Variants in N4BP2 observed in about 807,000 individuals in gnomAD.
N4BP2 encodes NEDD4-binding protein 2.
N4BP2 carries 91 observed loss-of-function variants against 152.8 expected under a neutral mutation model. That is an observed-to-expected ratio of 0.60 (90% CI 0.50 to 0.71). The LOEUF (loss-of-function observed/expected upper bound fraction) is 0.71, where lower values mean the gene tolerates loss of function less well. N4BP2 is among the 30% of genes least tolerant of loss of function. N4BP2 has a pLI of 0.00. For missense variants in N4BP2, 1,923 were observed against 2,059.1 expected (o/e 0.93, Z 1.28); for synonymous variants, 646 against 705.3 (o/e 0.92, Z 1.33).
At chr4:40,172,442 A>AG in the N4BP2 span, among the ~76,000 whole-genome samples, 1 of 152,136 alleles carries the variant, frequency 6.6e-6, no homozygotes, top group Non-Finnish European at 1.5e-5. Context: ...CCACCACACA[A>AG]GTTAAAATGG....
chr4:40,150,139 G>A (rs1279182393), intron 16 of N4BP2, among the ~76,000 whole-genome samples: 1 of 152,160 alleles, frequency 6.6e-6, no homozygotes. Context: ...TTTGACATAA[G>A]ATTAAGGAGT....
At chr4:40,145,989 C>A (rs1720478151) in intron 16 of N4BP2, among the ~76,000 whole-genome samples, 1 of 151,912 alleles carries the variant, frequency 6.6e-6, no homozygotes. Flanking sequence ...TGGTGAAACC[C>A]CGTCTCTACT....
intron 5 of N4BP2, among the ~76,000 whole-genome samples, chr4:40,111,443 C>T (rs1716874680): frequency 6.6e-6 from 1 of 152,110 alleles, no homozygotes; most frequent in South Asian, 2.1e-4. Context: ...GTCTCAGCCT[C>T]CCAAGTAGTT....
chr4:40,188,997 T>G, the N4BP2 span, among the ~76,000 whole-genome samples: 6 of 151,724 alleles, frequency 4.0e-5, no homozygotes, highest in Non-Finnish European at 8.8e-5. Context: ...ATACAAAAAA[T>G]TAGCCGGGCA....
Position 40,144,686 on chromosome 4 carries a change from A to T in N4BP2, c.5029A>T (p.Ile1677Phe). 1 of 1,614,004 alleles carries T rather than the reference A, an allele frequency of 6.2e-7. No individual in the cohort carries two copies. The highest frequency in any genetic ancestry group is 8.5e-7 in the Non-Finnish European group (1 of 1,179,964). ...AGCCAATCACCTTGCTGCCATAGAG[A>T]TCTTTGAGAAAGTCAATGCTTCGCT... The part of the protein sequence containing the change: ...KEANHLAAIE[I>F]FEKVNASLLP... Residue 1677 changes from isoleucine (I) to phenylalanine (F), a missense_variant, in exon 16 of 18, where the codon ATC becomes TTC. Physicochemically the swap from Ile to Phe is conservative, Grantham distance 21. Transcript: ENST00000261435.
intron 2 of N4BP2, among the ~76,000 whole-genome samples, chr4:40,083,270 G>A (rs532295849): frequency 1.3e-5 from 2 of 152,126 alleles, no homozygotes; most frequent in Admixed American, 6.6e-5. Context: ...TTGGAAAACC[G>A]TTTGGCAGTT....
chr4:40,134,045 G>A (rs1160463600), intron 13 of N4BP2, among the ~76,000 whole-genome samples: 1 of 151,982 alleles, frequency 6.6e-6, no homozygotes, highest in Non-Finnish European at 1.5e-5. Flanking sequence ...TGAGCTCAAG[G>A]GATTCTTCCC....
intron 2 of N4BP2, among the ~76,000 whole-genome samples, chr4:40,091,906 G>A (rs1224664635): frequency 8.4e-5 from 11 of 131,470 alleles, no homozygotes; most frequent in Admixed American, 2.5e-4. Context: ...ACTATGCCCC[G>A]CCAAAATTCA....
At chr4:40,103,989 C>T (rs1553921874) in intron 4 of N4BP2, among the ~76,000 whole-genome samples, 1 of 151,964 alleles carries the variant, frequency 6.6e-6, no homozygotes. Context: ...GAGTCTTGCT[C>T]TGTTGCCCAG....
chr4:40,134,887 C>CCCTT (rs1282183760), intron 13 of N4BP2, among the ~76,000 whole-genome samples: 4 of 119,682 alleles, frequency 3.3e-5, no homozygotes, highest in South Asian at 3.3e-4. Flanking sequence ...CTTCCTTCCT[C>CCCTT]CCTTCCTTCC....
intron 16 of N4BP2, among the ~76,000 whole-genome samples, chr4:40,145,067 A>G (rs1168970875): frequency 1.3e-5 from 2 of 152,226 alleles, no homozygotes; most frequent in South Asian, 2.1e-4. Context: ...TCTGTGACTT[A>G]TAAATGAGAC....
chr4:40,109,787 C>T (rs1027685848), intron 5 of N4BP2, among the ~76,000 whole-genome samples: 2 of 151,820 alleles, frequency 1.3e-5, no homozygotes, highest in East Asian at 1.9e-4. Context: ...TGTTAATAGG[C>T]GGAATTCATT....
At chr4:40,175,338 GAAAAAAA>G in the N4BP2 span, among the ~76,000 whole-genome samples, 18 of 103,746 alleles carry the variant, frequency 1.7e-4, no homozygotes, top group Admixed American at 1.8e-3. Flanking sequence ...GTGAAATATA[GAAAAAAA>G]AAAAAAAAAG....
At chr4:40,178,319 A>T in the N4BP2 span, among the ~76,000 whole-genome samples, 15 of 152,334 alleles carry the variant, frequency 9.8e-5, no homozygotes, top group African/African-American at 3.4e-4. Flanking sequence ...TTGGAAAATA[A>T]TGATAAAGCA....
intron 15 of N4BP2, among the ~76,000 whole-genome samples, chr4:40,143,277 G>T (rs1469823704): frequency 6.6e-6 from 1 of 151,934 alleles, no homozygotes; most frequent in African/African-American, 2.4e-5. Flanking sequence ...TTCTACCTGG[G>T]CTCATTTAAC....
At chr4:40,097,740 A>G (rs545585608) in intron 3 of N4BP2, among the ~76,000 whole-genome samples, 171 bp downstream of exon 3, 1 of 152,370 alleles carries the variant, frequency 6.6e-6, no homozygotes, top group African/African-American at 2.4e-5. Context: ...TATTTGGGAT[A>G]TGAAGAATAA....
intron 3 of N4BP2, among the ~76,000 whole-genome samples, chr4:40,100,480 G>A (rs1715539090): frequency 6.7e-6 from 1 of 149,594 alleles, no homozygotes; most frequent in East Asian, 1.9e-4. Flanking sequence ...CTCATGGGCT[G>A]AAGTGATTCT....
intron 4 of N4BP2, among the ~76,000 whole-genome samples, chr4:40,106,653 A>T (rs776686493): frequency 9.9e-5 from 15 of 152,128 alleles, no homozygotes; most frequent in Middle Eastern, 3.4e-3. Context: ...GGTTCTAGCA[A>T]TTCTCATGCC....
In N4BP2 at chr4:40,091,005, G is replaced by GTTT. The variant is rs34245436; in HGVS notation, c.-114-6209_-114-6207dup. Reference sequence around the variant, plus strand: ...AAGTGAGGACTTAGTGTATTTCTCTGTTTTTTTTTTTTTTTGCAATTGTGA... The same window carrying GTTT: ...AAGTGAGGACTTAGTGTATTTCTCTGTTTTTTTTTTTTTTTTTTGCAATTGTGA... On this transcript the variant is annotated intron_variant, in intron 2 of 17. Transcript: ENST00000261435. 9.8e-4 allele frequency among the ~76,000 whole-genome samples: 119 copies of GTTT among 121,550 alleles called. 1 individual carries two copies. The highest frequency in any genetic ancestry group is 5.1e-3 in the East Asian group (21 of 4,138). The allele number at this position is 121,550 out of a possible 152,430, so 79.7% of individuals were successfully genotyped here.
Sources: gnomAD v4.1 joint callset for allele counts (sites outside exome capture counted in the v4.1 genomes callset) on GRCh38, gnomAD v4.1.1 for gene constraint, MANE v1.5 for transcripts, NCBI Gene and HGNC (gene_info 2026-07-23, HGNC 2026-07-21) for gene names.